ZFAND3: variants seen among roughly 807,000 people sequenced by gnomAD.
ZFAND3 encodes AN1-type zinc finger protein 3.
Under a neutral mutation model 29.6 loss-of-function variants are expected in ZFAND3, and 10 were observed. The observed-to-expected ratio is 0.34, with a 90% CI of 0.21 to 0.57. The LOEUF (loss-of-function observed/expected upper bound fraction) is 0.57, where lower values mean the gene tolerates loss of function less well. Among genes scored for constraint, ZFAND3 ranks in the 20% least tolerant of loss-of-function variants. The probability of loss-of-function intolerance (pLI) is 0.86; values close to 1 mark genes in which losing one functional copy is unlikely to be tolerated. For synonymous variants in ZFAND3, 128 were observed against 112.6 expected, an observed-to-expected ratio of 1.14 and a Z score of -0.87; for missense variants, 230 against 304.5, an observed-to-expected ratio of 0.76 and a Z score of 1.82.
intron 1 of ZFAND3, among the ~76,000 whole-genome samples, chr6:37,865,377 C>A (rs1764572343): frequency 6.6e-6 from 1 of 152,060 alleles, no homozygotes; most frequent in Non-Finnish European, 1.5e-5. Flanking sequence ...ATTTCTTTTT[C>A]CGAATATTTT....
chr6:37,874,727 C>T (rs1000128668), intron 1 of ZFAND3, among the ~76,000 whole-genome samples: 2 of 152,024 alleles, frequency 1.3e-5, no homozygotes, highest in African/African-American at 4.8e-5. Context: ...CAATTCAACC[C>T]ATAATACCAT....
chr6:37,856,396 T>C (rs1764383620), intron 1 of ZFAND3, among the ~76,000 whole-genome samples: 1 of 152,240 alleles, frequency 6.6e-6, no homozygotes, highest in African/African-American at 2.4e-5. Flanking sequence ...TCTGCTAACC[T>C]GATATTCTCT....
intron 2 of ZFAND3, among the ~76,000 whole-genome samples, chr6:37,950,116 A>C (rs769698617): frequency 6.6e-6 from 1 of 152,198 alleles, no homozygotes; most frequent in Non-Finnish European, 1.5e-5. Flanking sequence ...CAGTCTGTTG[A>C]TAATTTCTTT....
chr6:38,144,194 TATATATATATATATATAATATATAATATA>T (rs1766033139), intron 5 of ZFAND3, among the ~76,000 whole-genome samples: 6 of 32,274 alleles, frequency 1.9e-4, no homozygotes, highest in African/African-American at 8.3e-4. Context: ...AATATATATA[TATATATATATATATATAATATATAATATA>T]TATATATATT....
intron 2 of ZFAND3, among the ~76,000 whole-genome samples, chr6:38,035,629 C>T (rs1763642881): frequency 6.6e-6 from 1 of 152,096 alleles, no homozygotes; most frequent in South Asian, 2.1e-4. Flanking sequence ...GTACTTAATA[C>T]AAATTCCTGC....
intron 2 of ZFAND3, among the ~76,000 whole-genome samples, chr6:38,055,850 G>A (rs561415359): frequency 6.6e-6 from 1 of 152,334 alleles, no homozygotes; most frequent in African/African-American, 2.4e-5. Flanking sequence ...AGTAACAATT[G>A]ATAAATACTT....
At chr6:38,063,319 T>C (rs1294258884) in intron 3 of ZFAND3, among the ~76,000 whole-genome samples, 1 of 152,206 alleles carries the variant, frequency 6.6e-6, no homozygotes, top group African/African-American at 2.4e-5. Context: ...ATATTTGTTG[T>C]AGTTTATCAG....
intron 2 of ZFAND3, among the ~76,000 whole-genome samples, chr6:38,029,884 GA>G (rs1763518607): frequency 6.6e-6 from 1 of 151,782 alleles, no homozygotes; most frequent in African/African-American, 2.4e-5. Context: ...AGCTTTTACT[GA>G]TTAGAGCAAA....
At chr6:38,037,311 C>G (rs549821811) in intron 2 of ZFAND3, among the ~76,000 whole-genome samples, 40 of 152,300 alleles carry the variant, frequency 2.6e-4, no homozygotes, top group African/African-American at 9.6e-4. Flanking sequence ...TATTGTCTCC[C>G]TGATGTCTGA....
At chr6:37,975,816 G>A (rs780158644) in intron 2 of ZFAND3, among the ~76,000 whole-genome samples, 40 of 152,234 alleles carry the variant, frequency 2.6e-4, no homozygotes, top group South Asian at 1.0e-3. Flanking sequence ...AAATCAGGTA[G>A]TGTTAATCCT....
intron 3 of ZFAND3, chr6:38,062,387 ATTTC>A (rs1214327744): frequency 6.6e-6 from 1 of 151,234 alleles, no homozygotes; most frequent in Non-Finnish European, 1.5e-5. Flanking sequence ...TGTCTACTTA[ATTTC>A]TTTTTTTTTT....
intron 3 of ZFAND3, 69 bp downstream of exon 3, chr6:38,061,844 T>C: frequency 6.5e-7 from 1 of 1,534,092 alleles, no homozygotes; most frequent in East Asian, 2.3e-5. Flanking sequence ...ATCTTGGTAA[T>C]GCCTGACCCC....
intron 2 of ZFAND3, among the ~76,000 whole-genome samples, chr6:38,057,890 C>A (rs769744286): frequency 6.6e-6 from 1 of 152,184 alleles, no homozygotes; most frequent in South Asian, 2.1e-4. Flanking sequence ...CTACTCCTCT[C>A]TTTGTGAGCA....
intron 1 of ZFAND3, among the ~76,000 whole-genome samples, chr6:37,884,494 C>CAAAAAAAAAA (rs58015486): frequency 1.9e-5 from 1 of 53,842 alleles, no homozygotes; most frequent in Non-Finnish European, 3.0e-5. Flanking sequence ...AACTCTAGCT[C>CAAAAAAAAAA]AAAAAAAAAA....
chr6:38,097,253 T>TTTTC (rs1351119334), intron 4 of ZFAND3, among the ~76,000 whole-genome samples: 5 of 149,218 alleles, frequency 3.4e-5, no homozygotes, highest in African/African-American at 1.3e-4. Flanking sequence ...TTTTTCATTT[T>TTTTC]TTTTTTTTTT....
Position 38,154,243 on chromosome 6 carries a change from G to A in ZFAND3, c.*1854G>A, listed in dbSNP as rs536622508. On this transcript the variant is annotated 3_prime_UTR_variant, in exon 6 of 6. Transcript: ENST00000287218. ...AGCTCTGGTCCCGAAGAGGCTGTGCGAGCCCTTCCCGGCCCTCCCCAGGGC... is the reference window on the plus strand; with the variant it reads ...AGCTCTGGTCCCGAAGAGGCTGTGCAAGCCCTTCCCGGCCCTCCCCAGGGC... The A allele has an allele frequency of 5.9e-5, 58 of 985,550 alleles. No individual in the cohort carries two copies. In the South Asian group the frequency reaches 2.3e-3, roughly 39 times the overall value. 61.1% of individuals were successfully genotyped at this position (985,550 alleles called of 1,614,324 possible).
rs558282832 is a variant in ZFAND3, at chr6:37,860,732, A to G, written c.71+40716A>G. 2.4e-4 allele frequency among the ~76,000 whole-genome samples: 34 copies of G among 144,330 alleles called. 2 individuals carry two copies. Among genetic ancestry groups the G allele is most frequent in the Admixed American group, 1.0e-3 (15 of 14,432 alleles). The allele number at this position is 144,330 out of a possible 152,430, so 94.7% of individuals were successfully genotyped here. A position where few individuals can be genotyped will look rare whatever the true frequency, so the allele number is the denominator to read the frequency against. On this transcript the variant is annotated intron_variant, in intron 1 of 5. Coordinates refer to ENST00000287218, the MANE Select transcript of ZFAND3 (RefSeq NM_021943.3). Reference sequence around the variant, plus strand: ...TCTGTTTGTGACGGCCACATCAGGTACCTTTTTCACCCAGTTTTTTTTTTT... The same window carrying G: ...TCTGTTTGTGACGGCCACATCAGGTGCCTTTTTCACCCAGTTTTTTTTTTT...
intron 4 of ZFAND3, among the ~76,000 whole-genome samples, chr6:38,100,769 T>C (rs1232728194): frequency 6.6e-6 from 1 of 152,254 alleles, no homozygotes; most frequent in Non-Finnish European, 1.5e-5. Context: ...TCAGAAGTTA[T>C]AAGAATGTTT....
chr6:37,854,038 G>A (rs1044638123), intron 1 of ZFAND3, among the ~76,000 whole-genome samples: 3 of 151,970 alleles, frequency 2.0e-5, no homozygotes, highest in Non-Finnish European at 4.4e-5. Flanking sequence ...TGCAACCTCC[G>A]CCTCCTGGGT....
Sources: allele counts gnomAD v4.1 joint callset (sites outside exome capture counted in the v4.1 genomes callset), GRCh38; gene constraint gnomAD v4.1.1; transcripts MANE v1.5; gene names NCBI Gene and HGNC (gene_info 2026-07-23, HGNC 2026-07-21).